Variants in PET100 observed in about 807,000 individuals in gnomAD.
PET100 encodes the protein protein PET100 homolog, mitochondrial.
Under a neutral mutation model 13.6 loss-of-function variants are expected in PET100, and 13 were observed. The ratio of observed to expected loss-of-function variants is 0.96; its 90% CI spans 0.62 to 1.52. The LOEUF (loss-of-function observed/expected upper bound fraction) is 1.52. PET100 is among the 40% of genes most tolerant of loss of function. The pLI is 0.00. For synonymous variants in PET100, 28 were observed against 30.8 expected (o/e 0.91, Z 0.30); for missense variants, 94 against 95.3 (o/e 0.99, Z 0.06).
rs762583946 is a variant in PET100, at chr19:7,631,621, T to G, written c.*65T>G. 6.8e-7 allele frequency: 1 copy of G among 1,465,134 alleles called. No homozygotes were observed. The highest frequency in any genetic ancestry group is 2.6e-5 in the East Asian group (1 of 38,172). The allele number at this position is 1,465,134 out of a possible 1,614,324, so 90.8% of individuals were successfully genotyped here. A position where few individuals can be genotyped will look rare whatever the true frequency, so the allele number is the denominator to read the frequency against. ...TATACATATACTCAGTTCCTTGTTA[T>G]TCATTTAAGTGTTTTATTCTTTTAT... On this transcript the variant is annotated 3_prime_UTR_variant, in exon 4 of 4. Coordinates refer to ENST00000594797, the MANE Select transcript of PET100 (RefSeq NM_001171155.2).
At chr19:7,630,014 A>G in intron 1 of PET100, 154 bp downstream of exon 1, 1 of 866,350 alleles carries the variant, frequency 1.2e-6, no homozygotes, top group South Asian at 2.4e-5. Flanking sequence ...GAAATCCAGG[A>G]GAGGGGACGC....
In PET100 at chr19:7,631,407, GGT is replaced by G. The variant is rs776957281; in HGVS notation, c.139-64_139-63del. ...GTGGTGGGAGAGGTGGGCGGGGGGG[GGT>G]GGTCCCGGCTCTGAGGTGTGTGCCC... On this transcript the variant is annotated intron_variant, in intron 3 of 3. Transcript: ENST00000594797. The G allele has an allele frequency of 0.082, 64,713 of 791,698 alleles. 143 individuals are homozygous for G. The highest frequency in any genetic ancestry group is 0.094 in the Non-Finnish European group (51,335 of 543,830). 49.0% of individuals were successfully genotyped at this position (791,698 alleles called of 1,614,324 possible).
intron 3 of PET100, 141 bp from the exon 4 acceptor site, chr19:7,631,332 G>A (rs1351584801): frequency 2.7e-5 from 38 of 1,408,348 alleles, no homozygotes; most frequent in Non-Finnish European, 3.5e-5. Flanking sequence ...GTAATTGGCA[G>A]GGGGCTTCCA....
intron 3 of PET100, 181 bp downstream of exon 3, chr19:7,631,027 G>A: frequency 2.4e-6 from 2 of 824,476 alleles, no homozygotes; most frequent in South Asian, 3.4e-5. Context: ...TGGCCAACAT[G>A]GCGAAACCCC....
rs999694927 is a variant in PET100, at chr19:7,630,525, G to C, written c.28-48G>C. On this transcript the variant is annotated intron_variant, in intron 1 of 3. Transcript: ENST00000594797. ...GTCCCCCAGGCTCTGAGGAGCCTCT[G>C]CACATTGCTTGGGGGGAGCTCACCT... is the stretch of plus-strand genomic sequence containing the variant. 4 of 1,434,008 alleles carry C rather than the reference G, an allele frequency of 2.8e-6. No individual in the cohort carries two copies. The African/African-American group carries it at 5.7e-5, about 20-fold the overall frequency. The allele number at this position is 1,434,008 out of a possible 1,614,324, so 88.8% of individuals were successfully genotyped here. A position where few individuals can be genotyped will look rare whatever the true frequency, so the allele number is the denominator to read the frequency against.
intron 1 of PET100, 183 bp from the exon 2 acceptor site, chr19:7,630,390 G>T: frequency 3.3e-6 from 2 of 604,300 alleles, no homozygotes; most frequent in South Asian, 4.0e-5. Context: ...GAGGCCTCCT[G>T]GATTATAGGA....
intron 3 of PET100, 117 bp downstream of exon 3, chr19:7,630,963 G>T (rs959548478): frequency 3.8e-6 from 5 of 1,308,840 alleles, no homozygotes; most frequent in Non-Finnish European, 5.3e-6. Context: ...TAATCCCAGG[G>T]CATGGGAGGC....
At chr19:7,630,054 T>G in intron 1 of PET100, 194 bp downstream of exon 1, 1 of 548,796 alleles carries the variant, frequency 1.8e-6, no homozygotes, top group Non-Finnish European at 2.9e-6. Flanking sequence ...GATTTGGGCT[T>G]CTGGGTTTGG....
chr19:7,631,442 C>T (rs1175313044), intron 3 of PET100, 31 bp from the exon 4 acceptor site: 1 of 1,523,338 alleles, frequency 6.6e-7, no homozygotes, highest in Non-Finnish European at 8.8e-7. Flanking sequence ...CCCCTCCCCC[C>T]TTCCTGTCCC....
At chr19:7,630,416 G>A (rs2146192783) in intron 1 of PET100, 157 bp from the exon 2 acceptor site, 2 of 633,630 alleles carry the variant, frequency 3.2e-6, no homozygotes, top group Admixed American at 2.7e-5. Flanking sequence ...GTTTTAGGGT[G>A]CGAGGTTTCT....
chr19:7,631,582 C>T lies in PET100; in HGVS notation c.*26C>T, dbSNP rs2031304182. 1 of 1,522,574 alleles carries T rather than the reference C, an allele frequency of 6.6e-7. No individual in the cohort carries two copies. The highest frequency in any genetic ancestry group is 8.8e-7 in the Non-Finnish European group (1 of 1,140,244). 94.3% of individuals were successfully genotyped at this position (1,522,574 alleles called of 1,614,324 possible). The stretch of plus-strand genomic sequence containing the variant: ...GGCCTCCAAGTGGGAGTCCTAGCCC[C>T]TCCCCTGATGAAATATACATATACT... On this transcript the variant is annotated 3_prime_UTR_variant, in exon 4 of 4. Transcript: ENST00000594797.
At chr19:7,631,164 A>G (rs1391088702) in intron 3 of PET100, 1 of 1,110,562 alleles carries the variant, frequency 9.0e-7, no homozygotes, top group African/African-American at 1.6e-5. Flanking sequence ...GCCCAAGATC[A>G]CGCCACTGCA....
At chr19:7,630,065 G>A in intron 1 of PET100, 1 of 605,212 alleles carries the variant, frequency 1.7e-6, no homozygotes, top group Non-Finnish European at 2.7e-6. Flanking sequence ...CTGGGTTTGG[G>A]GGCTGTGAGA....
At chr19:7,630,784 G>A in intron 2 of PET100, 39 bp from the exon 3 acceptor site, 1 of 1,537,250 alleles carries the variant, frequency 6.5e-7, no homozygotes, top group Non-Finnish European at 8.7e-7. Flanking sequence ...GGCTCTGGAG[G>A]CCTTTGGCTC....
intron 1 of PET100, 90 bp from the exon 2 acceptor site, chr19:7,630,483 A>T: frequency 1.9e-6 from 2 of 1,049,240 alleles, no homozygotes; most frequent in Non-Finnish European, 2.8e-6. Flanking sequence ...GCGCTTCTGG[A>T]CTCTGCAGTA....
At chr19:7,630,763 C>T in intron 2 of PET100, 60 bp from the exon 3 acceptor site, 1 of 1,536,490 alleles carries the variant, frequency 6.5e-7, no homozygotes, top group Non-Finnish European at 8.7e-7. Flanking sequence ...GCCGACCCTG[C>T]CCTGATGTGG....
chr19:7,631,704 CG>C lies in PET100; in HGVS notation c.*153del. 1 of 1,442,834 alleles carries C rather than the reference CG, an allele frequency of 6.9e-7. No homozygotes were observed. 89.4% of individuals were successfully genotyped at this position (1,442,834 alleles called of 1,614,324 possible). On this transcript the variant is annotated 3_prime_UTR_variant, in exon 4 of 4. Coordinates refer to ENST00000594797, the MANE Select transcript of PET100 (RefSeq NM_001171155.2). ...CCTCAGGCCCTCAGGGGGCTTGTGT[CG>C]GGGGCTGGGGGCTGCTGTTCCGACG...
At position 7,631,923 on chromosome 19, in the gene PET100, C is replaced by T. The variant is rs535740740; in HGVS notation, c.*367C>T. The T allele has an allele frequency of 1.8e-6, 2 of 1,088,736 alleles. No homozygotes were observed. The highest frequency in any genetic ancestry group is 5.8e-5 in the East Asian group (2 of 34,728). The allele number at this position is 1,088,736 out of a possible 1,614,324, so 67.4% of individuals were successfully genotyped here. A position where few individuals can be genotyped will look rare whatever the true frequency, so the allele number is the denominator to read the frequency against. ...ACCGTGTCCCACCTCATTGTGAGCA[C>T]TGGTCTATGTTTACCCTCAATATCT... On this transcript the variant is annotated 3_prime_UTR_variant, in exon 4 of 4. Coordinates refer to ENST00000594797, the MANE Select transcript of PET100 (RefSeq NM_001171155.2).
chr19:7,631,897 C>A lies in PET100; in HGVS notation c.*341C>A. ...ACAATGGAGAGAGGGTGCAGGTAGC[C>A]ACCGTGTCCCACCTCATTGTGAGCA... On this transcript the variant is annotated 3_prime_UTR_variant, in exon 4 of 4. Transcript: ENST00000594797. The A allele has an allele frequency of 8.2e-7, 1 of 1,215,976 alleles. No homozygotes were observed. The highest frequency in any genetic ancestry group is 3.0e-5 in the Admixed American group (1 of 33,592). The allele number at this position is 1,215,976 out of a possible 1,614,324, so 75.3% of individuals were successfully genotyped here.
Sources: gnomAD v4.1 joint callset for allele counts on GRCh38, gnomAD v4.1.1 for gene constraint, MANE v1.5 for transcripts, NCBI Gene and HGNC (gene_info 2026-07-23, HGNC 2026-07-21) for gene names.